Variants in MYO10 observed in about 807,000 individuals in gnomAD.
MYO10 encodes the protein myosin X, also known as unconventional myosin-X.
Under a neutral mutation model 257.3 loss-of-function variants are expected in MYO10, and 133 were observed. The ratio of observed to expected loss-of-function variants is 0.52; its 90% CI spans 0.45 to 0.60. MYO10 has a LOEUF of 0.60. Ranked by LOEUF, MYO10 falls within the 20% of genes least tolerant of loss-of-function variation. The pLI, the probability that MYO10 is intolerant of heterozygous loss-of-function variation, is 0.00. For missense variants in MYO10, 2,399 were observed against 2,635.7 expected (o/e 0.91, Z 1.97); for synonymous variants, 1,104 against 1,028.6 (o/e 1.07, Z -1.40).
At position 16,682,025 on chromosome 5, in the gene MYO10, G is replaced by A. The variant is rs756219060; in HGVS notation, c.4047-12C>T. On this transcript the variant is annotated splice_polypyrimidine_tract_variant and intron_variant, in intron 30 of 40. Coordinates refer to ENST00000513610, the MANE Select transcript of MYO10 (RefSeq NM_012334.3). Reference sequence around the variant, plus strand: ...CAAACGAGTTGGGTCTGAGCCACAAGATGAGAAGGAAACAAAGCCCCTTAG... The same window carrying A: ...CAAACGAGTTGGGTCTGAGCCACAAAATGAGAAGGAAACAAAGCCCCTTAG... The A allele has an allele frequency of 2.6e-4, 412 of 1,611,604 alleles. No individual in the cohort carries two copies. The highest frequency in any genetic ancestry group is 3.4e-4 in the Non-Finnish European group (401 of 1,179,576).
At chr5:16,726,078 G>C (rs1169780355) in intron 19 of MYO10, among the ~76,000 whole-genome samples, 21 of 152,276 alleles carry the variant, frequency 1.4e-4, no homozygotes, top group Non-Finnish European at 4.4e-5. Context: ...AAGCCACCGT[G>C]CCCAGCCCAC....
At position 16,846,892 on chromosome 5, in the gene MYO10, C is replaced by T. The variant is rs560963930; in HGVS notation, c.121-28725G>A. Among the ~76,000 whole-genome samples the T allele has an allele frequency of 3.7e-3, 553 of 150,200 alleles. 3 individuals are homozygous for T. Among genetic ancestry groups the T allele is most frequent in the Middle Eastern group, 0.015 (4 of 268 alleles). ...CAGCACTTTGGGAGGCTGAGGCAGGCGGATTACCTGAGGTCAGGAGTTTGA... is the reference window on the plus strand; with the variant it reads ...CAGCACTTTGGGAGGCTGAGGCAGGTGGATTACCTGAGGTCAGGAGTTTGA... On this transcript the variant is annotated intron_variant, in intron 2 of 40. Transcript: ENST00000513610.
At chr5:16,878,561 A>G (rs1744668740) in intron 1 of MYO10, among the ~76,000 whole-genome samples, 1 of 152,236 alleles carries the variant, frequency 6.6e-6, no homozygotes, top group African/African-American at 2.4e-5. Flanking sequence ...ATTTAATCAC[A>G]TGAAACTTTT....
At chr5:16,726,686 A>G (rs1579914541) in intron 19 of MYO10, among the ~76,000 whole-genome samples, 1 of 152,142 alleles carries the variant, frequency 6.6e-6, no homozygotes, top group African/African-American at 2.4e-5. Flanking sequence ...AATGGAGTAT[A>G]CTTCCTGGTA....
intron 1 of MYO10, among the ~76,000 whole-genome samples, chr5:16,880,727 A>G (rs1744734649): frequency 6.6e-6 from 1 of 152,194 alleles, no homozygotes. Context: ...TGAGACACTG[A>G]TAACACACAT....
At chr5:16,883,555 C>T (rs1026189217) in intron 1 of MYO10, among the ~76,000 whole-genome samples, 1 of 152,152 alleles carries the variant, frequency 6.6e-6, no homozygotes, top group Admixed American at 6.5e-5. Flanking sequence ...AAACCCTGGC[C>T]AACGGCCTCC....
Position 16,742,544 on chromosome 5 carries a change from G to A in MYO10, c.1929+12284C>T, listed in dbSNP as rs557414452. 3.9e-5 allele frequency among the ~76,000 whole-genome samples: 6 copies of A among 152,274 alleles called. No homozygotes were observed. In the South Asian group the frequency reaches 1.2e-3, roughly 32 times the overall value. ...TGGCAATCAAAAACCAGAAGGGCCC[G>A]CATGGTGGCTCACGCCTATAATCCC... is the stretch of plus-strand genomic sequence containing the variant. On this transcript the variant is annotated intron_variant, in intron 19 of 40. Coordinates refer to ENST00000513610, the MANE Select transcript of MYO10 (RefSeq NM_012334.3).
At chr5:16,759,794 T>C (rs1352326431) in intron 17 of MYO10, among the ~76,000 whole-genome samples, 1 of 152,202 alleles carries the variant, frequency 6.6e-6, no homozygotes, top group Admixed American at 6.5e-5. Flanking sequence ...CACCCATCAT[T>C]TTTACAGGTC....
chr5:16,722,709 A>C (rs1357588476), intron 19 of MYO10, among the ~76,000 whole-genome samples: 2 of 152,250 alleles, frequency 1.3e-5, no homozygotes, highest in African/African-American at 2.4e-5. Flanking sequence ...CTATGTATGT[A>C]ATGTAAATCA....
Position 16,796,420 on chromosome 5 carries a change from GGA to G in MYO10, c.280-1589_280-1588del, listed in dbSNP as rs1394976057. On this transcript the variant is annotated intron_variant, in intron 3 of 40. Transcript: ENST00000513610. ...ACAAAAGAAAAAGAAAGGAAAGAAAGGAAAAAGAAAGAAAAGAAAGACAGAAA... is the reference window on the plus strand; with the variant it reads ...ACAAAAGAAAAAGAAAGGAAAGAAAGAAAAGAAAGAAAAGAAAGACAGAAA... Among the ~76,000 whole-genome samples the G allele has an allele frequency of 9.1e-3, 880 of 96,368 alleles. 10 individuals carry two copies. The highest frequency in any genetic ancestry group is 0.031 in the African/African-American group (841 of 27,440). The allele number at this position is 96,368 out of a possible 152,430, so 63.2% of individuals were successfully genotyped here. A position where few individuals can be genotyped will look rare whatever the true frequency, so the allele number is the denominator to read the frequency against.
chr5:16,776,293 C>CT (rs35957480), intron 9 of MYO10, among the ~76,000 whole-genome samples: 3,341 of 151,092 alleles, frequency 0.022, 115 homozygotes, highest in African/African-American at 0.077. Context: ...AAAAGTTACA[C>CT]TTTTTTTTTT....
chr5:16,918,897 AAGC>A lies in MYO10; in HGVS notation c.21+16888_21+16890del, dbSNP rs565746682. 1.5e-3 allele frequency among the ~76,000 whole-genome samples: 225 copies of A among 152,290 alleles called. 1 individual carries two copies. Among genetic ancestry groups the A allele is most frequent in the African/African-American group, 5.2e-3 (217 of 41,558 alleles). On this transcript the variant is annotated intron_variant, in intron 1 of 40. Coordinates refer to ENST00000513610, the MANE Select transcript of MYO10 (RefSeq NM_012334.3). ...GTGCAGTTGCTGTCATCACAAAAAGAAGCAGAAGGTCTATGTTTCTGCTTTTGC... is the reference window on the plus strand; with the variant it reads ...GTGCAGTTGCTGTCATCACAAAAAGAAGAAGGTCTATGTTTCTGCTTTTGC...
chr5:16,794,598 G>A (rs1226851456), intron 4 of MYO10, 48 bp downstream of exon 4: 2 of 1,526,646 alleles, frequency 1.3e-6, no homozygotes, highest in Non-Finnish European at 8.8e-7. Context: ...GGTGCGCGGA[G>A]GGACTCCTGG....
At chr5:16,705,047 T>C (rs1372371861) in intron 21 of MYO10, among the ~76,000 whole-genome samples, 1 of 152,146 alleles carries the variant, frequency 6.6e-6, no homozygotes, top group Non-Finnish European at 1.5e-5. Context: ...CCAGCATTGG[T>C]CACTACATTG....
intron 1 of MYO10, among the ~76,000 whole-genome samples, chr5:16,923,994 G>A (rs1244478776): frequency 6.6e-6 from 1 of 152,162 alleles, no homozygotes; most frequent in African/African-American, 2.4e-5. Context: ...GGAGGCTGAG[G>A]TGGGAGGATC....
chr5:16,672,930 G>T (rs1736540368), intron 36 of MYO10, 105 bp from the exon 37 acceptor site: 1 of 1,312,778 alleles, frequency 7.6e-7, no homozygotes, highest in East Asian at 2.6e-5. Context: ...TGGCACAAGG[G>T]CGTCTCCAGC....
At chr5:16,845,851 C>T (rs1248307021) in intron 2 of MYO10, among the ~76,000 whole-genome samples, 1 of 151,938 alleles carries the variant, frequency 6.6e-6, no homozygotes, top group Non-Finnish European at 1.5e-5. Flanking sequence ...GTAGTCCCAG[C>T]TACTCGGGAG....
At chr5:16,852,171 A>C (rs1445008244) in intron 2 of MYO10, among the ~76,000 whole-genome samples, 1 of 151,426 alleles carries the variant, frequency 6.6e-6, no homozygotes, top group African/African-American at 2.4e-5. Flanking sequence ...GAACAAGCCC[A>C]GTAAAAAGAC....
chr5:16,863,511 CCT>C (rs1211982461), intron 2 of MYO10, among the ~76,000 whole-genome samples: 1 of 152,176 alleles, frequency 6.6e-6, no homozygotes, highest in African/African-American at 2.4e-5. Flanking sequence ...GTCTACAACA[CCT>C]CACATAGCCC....
Sources: gnomAD v4.1 joint callset for allele counts (sites outside exome capture counted in the v4.1 genomes callset) on GRCh38, gnomAD v4.1.1 for gene constraint, MANE v1.5 for transcripts, NCBI Gene and HGNC (gene_info 2026-07-23, HGNC 2026-07-21) for gene names.